ZBTB7C: variants seen among roughly 807,000 people sequenced by gnomAD.
The protein encoded by ZBTB7C is zinc finger and BTB domain-containing protein 7C.
ZBTB7C carries 8 observed loss-of-function variants against 25.7 expected under a neutral mutation model. That is an observed-to-expected ratio of 0.31 (90% confidence interval 0.18 to 0.56). ZBTB7C has a LOEUF of 0.56. ZBTB7C is among the 20% of genes least tolerant of loss of function. ZBTB7C has a pLI of 0.91. For missense variants in ZBTB7C, 824 were observed against 855.2 expected, an observed-to-expected ratio of 0.96 and a Z score of 0.46; for synonymous variants, 394 against 369.0, an observed-to-expected ratio of 1.07 and a Z score of -0.78.
intron 3 of ZBTB7C, among the ~76,000 whole-genome samples, chr18:48,123,990 C>T (rs1476545484): frequency 1.3e-5 from 2 of 152,156 alleles, no homozygotes; most frequent in African/African-American, 4.8e-5. Flanking sequence ...TTCTTTCCTG[C>T]AGGGCTCAGC....
Position 48,397,583 on chromosome 18 carries a change from G to A in ZBTB7C, c.-304+11643C>T, listed in dbSNP as rs369621064. Among the ~76,000 whole-genome samples the A allele has an allele frequency of 6.8e-4, 104 of 152,204 alleles. 3 individuals carry two copies. In the South Asian group the frequency reaches 0.02, roughly 29 times the overall value. ...ATTGAAAGTTGCTGTGAGAATGAGC[G>A]GCTATGTCACACATACAAAGTGCCT... On this transcript the variant is annotated intron_variant, in intron 1 of 4. Coordinates refer to ENST00000590800, the MANE Select transcript of ZBTB7C (RefSeq NM_001318841.2).
At chr18:48,315,606 G>A (rs551161022) in intron 2 of ZBTB7C, among the ~76,000 whole-genome samples, 1 of 152,198 alleles carries the variant, frequency 6.6e-6, no homozygotes, top group African/African-American at 2.4e-5. Context: ...AAAGTGGGAG[G>A]TAACGAGGTA....
At chr18:48,399,173 C>T (rs929324034) in intron 1 of ZBTB7C, among the ~76,000 whole-genome samples, 1 of 152,176 alleles carries the variant, frequency 6.6e-6, no homozygotes, top group Non-Finnish European at 1.5e-5. Context: ...ATACCATGCG[C>T]ATGGATGCAC....
intron 3 of ZBTB7C, among the ~76,000 whole-genome samples, chr18:48,163,262 G>A (rs1356334955): frequency 1.3e-5 from 2 of 152,204 alleles, no homozygotes; most frequent in Non-Finnish European, 2.9e-5. Context: ...GGCTGGGCAT[G>A]AGCATGGCCC....
chr18:48,372,268 C>A (rs1431898639), intron 1 of ZBTB7C, among the ~76,000 whole-genome samples: 3 of 152,180 alleles, frequency 2.0e-5, no homozygotes, highest in Non-Finnish European at 4.4e-5. Context: ...TACTCCACTG[C>A]CACAGGAACA....
rs368718307 is a variant in ZBTB7C at position 48,040,781 on chromosome 18, G to A, written c.327C>T (p.Asn109=). 5.5e-5 allele frequency: 88 copies of A among 1,613,916 alleles called. No homozygotes were observed. The highest frequency in any genetic ancestry group is 1.6e-4 in the Middle Eastern group (1 of 6,084). The part of the protein sequence containing the change: ...ITAGNVKHIL[N]AARMLEIQCI... Reference sequence around the variant, plus strand: ...ACTGGATCTCCAGCATCCTGGCTGCGTTGAGGATGTGCTTGACATTGCCAG... The same window carrying A: ...ACTGGATCTCCAGCATCCTGGCTGCATTGAGGATGTGCTTGACATTGCCAG... Residue 109 remains asparagine (N), a synonymous_variant, in exon 4 of 5, where the codon AAC becomes AAT. Coordinates refer to ENST00000590800, the MANE Select transcript of ZBTB7C (RefSeq NM_001318841.2).
rs182131618 is a variant in ZBTB7C at position 48,101,083 on chromosome 18, G to A, written c.-16-59960C>T. ...CTCCTCCTTGCTCCCTGGGGAAGGA[G>A]CCAGCCCACAGGCCCAGCCCAGTCC... On this transcript the variant is annotated intron_variant, in intron 3 of 4. Coordinates refer to ENST00000590800, the MANE Select transcript of ZBTB7C (RefSeq NM_001318841.2). Among the ~76,000 whole-genome samples, 54 of 145,990 alleles carry A rather than the reference G, an allele frequency of 3.7e-4. No homozygotes were observed. The East Asian group carries it at 9.1e-3, about 25-fold the overall frequency.
chr18:48,405,103 C>G (rs916145741), intron 1 of ZBTB7C, among the ~76,000 whole-genome samples: 1 of 152,120 alleles, frequency 6.6e-6, no homozygotes, highest in Admixed American at 6.5e-5. Context: ...TTCCTCCACC[C>G]CACCCCACCC....
chr18:48,367,238 T>G (rs8095067), intron 1 of ZBTB7C, among the ~76,000 whole-genome samples: 1 of 92,366 alleles, frequency 1.1e-5, no homozygotes, highest in Non-Finnish European at 2.2e-5. Flanking sequence ...CACACATACA[T>G]ACACACACAC....
intron 3 of ZBTB7C, among the ~76,000 whole-genome samples, chr18:48,146,167 T>C (rs1409932705): frequency 6.6e-6 from 1 of 152,230 alleles, no homozygotes; most frequent in African/African-American, 2.4e-5. Flanking sequence ...TGTGAAATTT[T>C]GATAAACAAT....
chr18:48,317,577 C>T lies in ZBTB7C; in HGVS notation c.-79+20597G>A, dbSNP rs1423129199. Among the ~76,000 whole-genome samples the T allele has an allele frequency of 3.9e-5, 6 of 152,172 alleles. No individual in the cohort carries two copies. The East Asian group carries it at 9.6e-4, about 24-fold the overall frequency. On this transcript the variant is annotated intron_variant, in intron 2 of 4. Coordinates refer to ENST00000590800, the MANE Select transcript of ZBTB7C (RefSeq NM_001318841.2). ...CTTGTTTGCAAAGTACAGGGAGGCA[C>T]CAGTGTTTTTGGCTGACTGGATAGG...
At chr18:48,195,461 G>A (rs191635530) in intron 2 of ZBTB7C, among the ~76,000 whole-genome samples, 396 of 152,302 alleles carry the variant, frequency 2.6e-3, no homozygotes, top group Non-Finnish European at 3.5e-3. Flanking sequence ...CTTGCCTGCC[G>A]CCATGTAAGA....
chr18:48,405,902 A>T (rs1167006858), intron 1 of ZBTB7C, among the ~76,000 whole-genome samples: 4 of 149,598 alleles, frequency 2.7e-5, no homozygotes, highest in African/African-American at 9.9e-5. Context: ...AGGATGCTGC[A>T]CACAGGCCGG....
At chr18:48,254,883 A>G (rs558091110) in intron 2 of ZBTB7C, among the ~76,000 whole-genome samples, 13 of 152,184 alleles carry the variant, frequency 8.5e-5, no homozygotes, top group Non-Finnish European at 1.8e-4. Flanking sequence ...CAATGAACCT[A>G]TTATGGTTTG....
At chr18:48,199,571 C>T (rs1219655982) in intron 2 of ZBTB7C, among the ~76,000 whole-genome samples, 1 of 152,064 alleles carries the variant, frequency 6.6e-6, no homozygotes, top group East Asian at 1.9e-4. Context: ...TCTTCCACTC[C>T]TGGGCTTGGC....
At chr18:48,222,067 G>A (rs1332813727) in intron 2 of ZBTB7C, among the ~76,000 whole-genome samples, 1 of 144,992 alleles carries the variant, frequency 6.9e-6, no homozygotes, top group Non-Finnish European at 1.6e-5. Context: ...ACTGTTCCTA[G>A]ACCCCCTCTA....
intron 2 of ZBTB7C, among the ~76,000 whole-genome samples, chr18:48,300,535 C>T (rs1198666022): frequency 7.2e-5 from 11 of 152,082 alleles, no homozygotes; most frequent in Admixed American, 5.9e-4. Flanking sequence ...CCAGCCAGGT[C>T]GTTTTTTTAC....
intron 1 of ZBTB7C, among the ~76,000 whole-genome samples, chr18:48,401,607 G>A (rs2048160539): frequency 6.6e-6 from 1 of 152,154 alleles, no homozygotes; most frequent in African/African-American, 2.4e-5. Flanking sequence ...CTGCCTGGAG[G>A]CAGGGAGGGG....
intron 3 of ZBTB7C, among the ~76,000 whole-genome samples, chr18:48,145,275 G>A (rs983732765): frequency 5.3e-5 from 8 of 152,092 alleles, no homozygotes; most frequent in African/African-American, 1.9e-4. Flanking sequence ...CCCCTCAAAG[G>A]CCTGTCCCTT....
Sources: allele counts gnomAD v4.1 joint callset (sites outside exome capture counted in the v4.1 genomes callset), GRCh38; gene constraint gnomAD v4.1.1; transcripts MANE v1.5; gene names NCBI Gene and HGNC (gene_info 2026-07-23, HGNC 2026-07-21).